PIWIL3: variants seen among roughly 807,000 people sequenced by gnomAD.
PIWIL3 encodes the protein piwi like RNA-mediated gene silencing 3, also known as piwi-like protein 3.
PIWIL3 carries 101 observed loss-of-function variants against 109.7 expected under a neutral mutation model. The ratio of observed to expected loss-of-function variants is 0.92; its 90% confidence interval spans 0.78 to 1.09. PIWIL3 has a LOEUF of 1.09. Among genes scored for constraint, PIWIL3 ranks in the 50% least tolerant of loss-of-function variants. The pLI is 0.00. For synonymous variants in PIWIL3, 373 were observed against 376.4 expected (o/e 0.99, Z 0.10); for missense variants, 1,031 against 1,072.6 (o/e 0.96, Z 0.54).
chr22:24,754,787 TGACG>T lies in PIWIL3; in HGVS notation c.766_769del (p.Arg256MetfsTer28), dbSNP rs2147704537. On this transcript the variant is annotated frameshift_variant, in exon 7 of 21. Coordinates refer to ENST00000616349, the MANE Select transcript of PIWIL3 (RefSeq NM_001255975.1). LOFTEE classifies it high-confidence loss of function. ...AAATTTTCTACTTTATACAAACCCATGACGGTATAACTGAATGGCCTTCTTTTTG... is the reference window on the plus strand; with the variant it reads ...AAATTTTCTACTTTATACAAACCCATGTATAACTGAATGGCCTTCTTTTTG... The T allele has an allele frequency of 6.2e-7, 1 of 1,601,540 alleles. No individual in the cohort carries two copies. Among genetic ancestry groups the T allele is most frequent in the East Asian group, 2.2e-5 (1 of 44,760 alleles).
At chr22:24,743,796 A>G (rs1265058811) in intron 12 of PIWIL3, among the ~76,000 whole-genome samples, 1 of 152,204 alleles carries the variant, frequency 6.6e-6, no homozygotes, top group Non-Finnish European at 1.5e-5. Context: ...CCTGTTCCAC[A>G]AAAACCTATT....
At chr22:24,730,399 T>C (rs532721763) in intron 14 of PIWIL3, among the ~76,000 whole-genome samples, 1 of 150,962 alleles carries the variant, frequency 6.6e-6, no homozygotes, top group African/African-American at 2.4e-5. Context: ...ACTTCAATAT[T>C]AATTTTCTTA....
chr22:24,745,605 A>G (rs1260367658), intron 12 of PIWIL3, among the ~76,000 whole-genome samples: 1 of 152,034 alleles, frequency 6.6e-6, no homozygotes, highest in Non-Finnish European at 1.5e-5. Context: ...AAAAGAATGA[A>G]GATCATAGAG....
intron 16 of PIWIL3, among the ~76,000 whole-genome samples, chr22:24,726,265 G>A (rs1376295778): frequency 3.3e-5 from 5 of 151,724 alleles, no homozygotes; most frequent in Non-Finnish European, 5.9e-5. Flanking sequence ...TTTGTTCAAG[G>A]TATTGGCTAT....
intron 14 of PIWIL3, among the ~76,000 whole-genome samples, chr22:24,732,773 A>G (rs112774005): frequency 5.4e-4 from 83 of 152,312 alleles, no homozygotes; most frequent in African/African-American, 1.8e-3. Context: ...AGCCGAGATC[A>G]CGCCACTGCA....
intron 8 of PIWIL3, among the ~76,000 whole-genome samples, chr22:24,752,858 C>T (rs1924795871): frequency 2.0e-5 from 3 of 152,134 alleles, no homozygotes; most frequent in African/African-American, 7.2e-5. Flanking sequence ...TAATTTTAAC[C>T]ATCCTAGTGG....
At chr22:24,726,112 A>C (rs1601823069) in intron 16 of PIWIL3, among the ~76,000 whole-genome samples, 1 of 152,006 alleles carries the variant, frequency 6.6e-6, no homozygotes, top group Non-Finnish European at 1.5e-5. Flanking sequence ...CCACATTTTC[A>C]CTGCTAGTGT....
chr22:24,737,707 G>A (rs1013280416), intron 12 of PIWIL3, among the ~76,000 whole-genome samples: 1 of 152,198 alleles, frequency 6.6e-6, no homozygotes, highest in Admixed American at 6.5e-5. Context: ...GGGCCAAAGT[G>A]GAGCACGCTG....
chr22:24,749,073 T>C, intron 11 of PIWIL3, 52 bp from the exon 12 acceptor site: 1 of 1,414,476 alleles, frequency 7.1e-7, no homozygotes, highest in East Asian at 2.3e-5. Flanking sequence ...TAAAAGCAGC[T>C]AGCCATTTGT....
intron 12 of PIWIL3, among the ~76,000 whole-genome samples, chr22:24,741,324 C>T (rs191226678): frequency 2.5e-4 from 38 of 152,240 alleles, no homozygotes; most frequent in Admixed American, 9.8e-4. Flanking sequence ...ACCATCCTGG[C>T]TAACATGGTG....
At chr22:24,751,261 C>T (rs769506626) in intron 9 of PIWIL3, 126 bp downstream of exon 9, 10 of 965,900 alleles carry the variant, frequency 1.0e-5, no homozygotes, top group Non-Finnish European at 1.5e-5. Context: ...ATAAGTCAAG[C>T]TATAATCCCC....
At position 24,762,388 on chromosome 22, in the gene PIWIL3, C is replaced by T. The variant is rs777033830; in HGVS notation, c.102+10G>A. On this transcript the variant is annotated intron_variant, in intron 2 of 20. Transcript: ENST00000616349. ...CTCTTGCAGAAAGGAAACAACGTTA[C>T]AGGGCTCACTGTAGCTGATCCAGGT... 2.5e-6 allele frequency: 4 copies of T among 1,609,198 alleles called. No individual in the cohort carries two copies. The highest frequency in any genetic ancestry group is 3.4e-5 in the Admixed American group (2 of 58,664).
intron 19 of PIWIL3, among the ~76,000 whole-genome samples, chr22:24,721,322 T>G (rs931427903): frequency 3.9e-5 from 6 of 152,242 alleles, no homozygotes; most frequent in African/African-American, 1.4e-4. Context: ...TGCTTTTAAA[T>G]TTTCTTATGC....
At chr22:24,774,060 A>C (rs1466213241) in intron 1 of PIWIL3, among the ~76,000 whole-genome samples, 1 of 152,182 alleles carries the variant, frequency 6.6e-6, no homozygotes, top group Non-Finnish European at 1.5e-5. Flanking sequence ...CACATGCTCA[A>C]ATATAAGCTG....
chr22:24,759,838 T>C (rs1925308195), intron 3 of PIWIL3, 31 bp downstream of exon 3: 7 of 1,613,730 alleles, frequency 4.3e-6, no homozygotes, highest in Non-Finnish European at 5.9e-6. Context: ...AAGCATCCCC[T>C]GCCCCTCATG....
chr22:24,744,522 G>A (rs1924238499), intron 12 of PIWIL3, among the ~76,000 whole-genome samples: 1 of 152,012 alleles, frequency 6.6e-6, no homozygotes, highest in African/African-American at 2.4e-5. Context: ...GCAGTGAGCC[G>A]AGATCATGCC....
chr22:24,723,590 C>T (rs1922808839), intron 18 of PIWIL3, among the ~76,000 whole-genome samples: 1 of 152,186 alleles, frequency 6.6e-6, no homozygotes, highest in Non-Finnish European at 1.5e-5. Flanking sequence ...TGGAGATCCC[C>T]ACCAGCTGGC....
At position 24,754,015 on chromosome 22, in the gene PIWIL3, T is replaced by G; in HGVS notation, c.976A>C (p.Lys326Gln). 6.3e-7 allele frequency: 1 copy of G among 1,598,660 alleles called. No homozygotes were observed. The highest frequency in any genetic ancestry group is 8.6e-7 in the Non-Finnish European group (1 of 1,165,998). The part of the protein sequence containing the change: ...NKLIGSIVLT[K>Q]YNNKTYRVDD... ...TAGGTTTTTAAAAGACAGACTTACT[T>G]TGTCAGAACAATTGATCCAATTAAT... Residue 326 changes from lysine to glutamine, a missense_variant and splice_region_variant, in exon 8 of 21, where the codon AAA becomes CAA. By Grantham distance (53) the Lys-to-Gln change is moderately conservative (BLOSUM62 1). Coordinates refer to ENST00000616349, the MANE Select transcript of PIWIL3 (RefSeq NM_001255975.1).
chr22:24,759,915 C>T lies in PIWIL3; in HGVS notation c.177G>A (p.Gln59=). 1 of 1,614,180 alleles carries T rather than the reference C, an allele frequency of 6.2e-7. No homozygotes were observed. The highest frequency in any genetic ancestry group is 8.5e-7 in the Non-Finnish European group (1 of 1,180,028). ...CTGCTCCTCCTCTTGCTGCTCTTGG[C>T]TGCAGAGGTCTAACCACTGGGACTT... ...QEEVPVVRPL[Q]PRAARGGAGG... is the part of the protein sequence containing the mutation. Residue 59 remains glutamine, a synonymous_variant, in exon 3 of 21, where the codon CAG becomes CAA. Transcript: ENST00000616349.
Sources: gnomAD v4.1 joint callset for allele counts (sites outside exome capture counted in the v4.1 genomes callset) on GRCh38, gnomAD v4.1.1 for gene constraint, MANE v1.5 for transcripts, NCBI Gene and HGNC (gene_info 2026-07-23, HGNC 2026-07-21) for gene names.